Variants in INPP4B observed in about 807,000 individuals in gnomAD.
The protein encoded by INPP4B is inositol polyphosphate-4-phosphatase type II B.
INPP4B carries 55 observed loss-of-function variants against 122.5 expected under a neutral mutation model. The ratio of observed to expected loss-of-function variants is 0.45; its 90% CI spans 0.36 to 0.56. The LOEUF (loss-of-function observed/expected upper bound fraction) is 0.56. Among genes scored for constraint, INPP4B ranks in the 20% least tolerant of loss-of-function variants. The probability of loss-of-function intolerance (pLI) is 0.00; values close to 1 mark genes in which losing one functional copy is unlikely to be tolerated. For synonymous variants in INPP4B, 403 were observed against 388.7 expected (o/e 1.04, Z -0.43); for missense variants, 1,000 against 1,097.7 (o/e 0.91, Z 1.26).
At chr4:142,093,307 ACAT>A (rs1379718577) in intron 23 of INPP4B, among the ~76,000 whole-genome samples, 3 of 152,170 alleles carry the variant, frequency 2.0e-5, no homozygotes, top group African/African-American at 7.2e-5. Flanking sequence ...AAGGTCATGG[ACAT>A]CATGGAGCAG....
intron 15 of INPP4B, among the ~76,000 whole-genome samples, chr4:142,177,327 C>T (rs1308960399): frequency 6.6e-6 from 1 of 152,072 alleles, no homozygotes; most frequent in Non-Finnish European, 1.5e-5. Context: ...CTATTCAGTG[C>T]CTTACTTTTC....
intron 12 of INPP4B, among the ~76,000 whole-genome samples, chr4:142,237,324 A>T (rs1561569725): frequency 6.6e-6 from 1 of 152,142 alleles, no homozygotes; most frequent in Non-Finnish European, 1.5e-5. Flanking sequence ...TTGGCCAGAT[A>T]CCAAGGTATC....
chr4:142,550,061 T>C (rs1727602154), intron 2 of INPP4B, among the ~76,000 whole-genome samples: 1 of 152,150 alleles, frequency 6.6e-6, no homozygotes, highest in African/African-American at 2.4e-5. Flanking sequence ...TTGTTTAAAA[T>C]GATGAATGAG....
chr4:142,581,581 AT>A (rs1735098845), intron 2 of INPP4B, among the ~76,000 whole-genome samples: 2 of 94,818 alleles, frequency 2.1e-5, no homozygotes, highest in Non-Finnish European at 4.4e-5. Flanking sequence ...TAGAAGTTCC[AT>A]TTCTATCTAT....
Position 142,126,218 on chromosome 4 carries a change from A to G in INPP4B, c.1721-1458T>C, listed in dbSNP as rs140062524. On this transcript the variant is annotated intron_variant, in intron 18 of 25. Coordinates refer to ENST00000262992, the MANE Select transcript of INPP4B (RefSeq NM_001101669.3). ...TGACAAATACGATTTGATATGAATG[A>G]GTGCATGCTGCGAAATTAATTATAA... 5.8e-4 allele frequency among the ~76,000 whole-genome samples: 89 copies of G among 152,282 alleles called. 1 individual carries two copies. The highest frequency in any genetic ancestry group is 2.0e-3 in the African/African-American group (84 of 41,582).
At chr4:142,476,826 AAG>A (rs1416890969) in intron 2 of INPP4B, among the ~76,000 whole-genome samples, 1 of 152,196 alleles carries the variant, frequency 6.6e-6, no homozygotes, top group Non-Finnish European at 1.5e-5. Flanking sequence ...GATACCTAAG[AAG>A]AGTCTTAGAC....
intron 2 of INPP4B, among the ~76,000 whole-genome samples, chr4:142,491,856 C>T (rs1821924349): frequency 1.3e-5 from 2 of 152,128 alleles, no homozygotes; most frequent in Non-Finnish European, 2.9e-5. Flanking sequence ...GGAGGACAGA[C>T]CAGCATATAT....
chr4:142,084,712 G>C (rs1473798165), intron 24 of INPP4B, among the ~76,000 whole-genome samples: 1 of 152,094 alleles, frequency 6.6e-6, no homozygotes, highest in East Asian at 1.9e-4. Flanking sequence ...AAATATTTTA[G>C]AAATGTGTGG....
intron 7 of INPP4B, among the ~76,000 whole-genome samples, chr4:142,378,045 G>T (rs541769085): frequency 6.6e-6 from 1 of 152,236 alleles, no homozygotes; most frequent in Admixed American, 6.6e-5. Context: ...AAATAATGCT[G>T]ATAATTGCAC....
intron 9 of INPP4B, among the ~76,000 whole-genome samples, chr4:142,303,185 C>T (rs1762124362): frequency 6.6e-6 from 1 of 152,024 alleles, no homozygotes; most frequent in Non-Finnish European, 1.5e-5. Flanking sequence ...ACATATGACA[C>T]GGAAGCTACA....
intron 15 of INPP4B, among the ~76,000 whole-genome samples, chr4:142,179,921 G>A (rs1374713000): frequency 1.3e-5 from 2 of 151,956 alleles, no homozygotes; most frequent in Non-Finnish European, 2.9e-5. Flanking sequence ...TTTTCATGTT[G>A]TCCCTATGGA....
rs2152528628 is a variant in INPP4B at position 142,082,146 on chromosome 4, T to C, written c.2527A>G (p.Lys843Glu). ...ATCGATGTCCTGTCTTTGGCACTTTTACAACAGGTGAAACGAATACCATTC... is the reference window on the plus strand; with the variant it reads ...ATCGATGTCCTGTCTTTGGCACTTTCACAACAGGTGAAACGAATACCATTC... ...KLNGIRFTCC[K>E]SAKDRTSMSV... The change falls in exon 25 of 26, where the codon AAA (lysine) becomes GAA (glutamate). Residue 843 changes from lysine (K) to glutamate (E), a missense_variant. Coordinates refer to ENST00000262992, the MANE Select transcript of INPP4B (RefSeq NM_001101669.3). 4 of 1,536,134 alleles carry C rather than the reference T, an allele frequency of 2.6e-6. No individual in the cohort carries two copies. Among genetic ancestry groups the C allele is most frequent in the South Asian group, 1.2e-5 (1 of 81,010 alleles).
At chr4:142,344,267 C>T (rs1286760730) in intron 7 of INPP4B, among the ~76,000 whole-genome samples, 5 of 151,986 alleles carry the variant, frequency 3.3e-5, no homozygotes, top group African/African-American at 1.2e-4. Context: ...CAGATGCAGG[C>T]TGTTAAACAA....
intron 1 of INPP4B, among the ~76,000 whole-genome samples, chr4:142,835,296 C>T (rs1449721973): frequency 6.6e-6 from 1 of 152,152 alleles, no homozygotes; most frequent in Non-Finnish European, 1.5e-5. Context: ...GCCCACTAGC[C>T]TGAGATAAAT....
intron 15 of INPP4B, among the ~76,000 whole-genome samples, chr4:142,192,661 TG>T (rs1836514705): frequency 6.6e-6 from 1 of 152,154 alleles, no homozygotes. Flanking sequence ...CTTTTTCAAG[TG>T]GCACAATTAA....
chr4:142,798,435 T>C (rs1356980619), intron 1 of INPP4B, among the ~76,000 whole-genome samples: 1 of 151,918 alleles, frequency 6.6e-6, no homozygotes, highest in East Asian at 1.9e-4. Flanking sequence ...AGAATGTGAA[T>C]ATTTTCTACT....
chr4:142,227,322 G>A (rs887537217), intron 12 of INPP4B, among the ~76,000 whole-genome samples: 3 of 152,144 alleles, frequency 2.0e-5, no homozygotes, highest in African/African-American at 7.2e-5. Context: ...CAAGAAGCAG[G>A]TGAATGCTGC....
Position 142,713,548 on chromosome 4 carries a change from A to T in INPP4B, c.-191+12291T>A, listed in dbSNP as rs1408387491. ...TACTCTTCTGAGAAATACTTACTCA[A>T]AGAGAAAAGGAAGTGATTGAACATT... On this transcript the variant is annotated intron_variant, in intron 2 of 25. Transcript: ENST00000262992. 2.6e-5 allele frequency among the ~76,000 whole-genome samples: 4 copies of T among 152,220 alleles called. No homozygotes were observed. The East Asian group carries it at 7.7e-4, about 29-fold the overall frequency.
chr4:142,434,048 A>C (rs1161357109), intron 3 of INPP4B, among the ~76,000 whole-genome samples: 2 of 152,206 alleles, frequency 1.3e-5, no homozygotes, highest in Admixed American at 6.5e-5. Flanking sequence ...ATATTAAATA[A>C]TGCAACTTAT....
Sources: allele counts gnomAD v4.1 joint callset (sites outside exome capture counted in the v4.1 genomes callset), GRCh38; gene constraint gnomAD v4.1.1; transcripts MANE v1.5; gene names NCBI Gene and HGNC (gene_info 2026-07-23, HGNC 2026-07-21).